The following MACROD2 variants were observed in gnomAD, a reference collection of about 807,000 sequenced individuals.
MACROD2 encodes ADP-ribose glycohydrolase MACROD2.
A neutral mutation model predicts 70.4 loss-of-function variants in MACROD2; 36 were observed. That is an observed-to-expected ratio of 0.51 (90% CI 0.39 to 0.68). MACROD2 has a LOEUF of 0.68. Ranked by LOEUF, MACROD2 falls within the 30% of genes least tolerant of loss-of-function variation. MACROD2 has a pLI of 0.00. For missense variants in MACROD2, 496 were observed against 538.4 expected, an observed-to-expected ratio of 0.92 and a Z score of 0.78; for synonymous variants, 172 against 178.8, an observed-to-expected ratio of 0.96 and a Z score of 0.30.
chr20:15,259,320 A>G (rs2077227754), intron 6 of MACROD2, among the ~76,000 whole-genome samples: 1 of 152,046 alleles, frequency 6.6e-6, no homozygotes. Context: ...GCCTTCTACA[A>G]ATGAGAAAAT....
At chr20:14,568,325 G>A (rs1979944179) in intron 4 of MACROD2, among the ~76,000 whole-genome samples, 1 of 151,994 alleles carries the variant, frequency 6.6e-6, no homozygotes, top group South Asian at 2.1e-4. Context: ...TATTGCCCGG[G>A]TCTTTACAAG....
chr20:15,513,776 GCAAAT>G (rs991963489), intron 8 of MACROD2, among the ~76,000 whole-genome samples: 5 of 152,170 alleles, frequency 3.3e-5, no homozygotes, highest in Admixed American at 2.0e-4. Context: ...GATTTCAAAA[GCAAAT>G]CAACTTGAGC....
chr20:15,816,106 A>G (rs938865135), intron 8 of MACROD2, among the ~76,000 whole-genome samples: 1 of 152,036 alleles, frequency 6.6e-6, no homozygotes, highest in Non-Finnish European at 1.5e-5. Context: ...TAATACATAT[A>G]CATCACATAT....
At chr20:14,435,570 C>T (rs1169629742) in intron 3 of MACROD2, among the ~76,000 whole-genome samples, 2 of 152,036 alleles carry the variant, frequency 1.3e-5, no homozygotes, top group Non-Finnish European at 2.9e-5. Flanking sequence ...ATTGAGTACC[C>T]CTTATGCGTC....
At chr20:15,343,992 A>T (rs75827358) in intron 6 of MACROD2, among the ~76,000 whole-genome samples, 1,769 of 152,294 alleles carry the variant, frequency 0.012, 33 homozygotes, top group African/African-American at 0.039. Context: ...TCATTTATCT[A>T]TGTATAGAAA....
rs80082985 is a variant in MACROD2, at chr20:14,716,725, G to A, written c.418+31766G>A. ...GAAGATGGCTTAACACGTGAAGTGG[G>A]TAAAAAAAATGTGTAATTGAAACAG... On this transcript the variant is annotated intron_variant, in intron 5 of 17. Transcript: ENST00000684519. 2.0e-3 allele frequency among the ~76,000 whole-genome samples: 307 copies of A among 152,206 alleles called. 9 individuals are homozygous for A. In the East Asian group the frequency reaches 0.045, roughly 22 times the overall value.
intron 8 of MACROD2, among the ~76,000 whole-genome samples, chr20:15,716,266 T>C (rs2050706123): frequency 6.6e-6 from 1 of 152,218 alleles, no homozygotes; most frequent in Non-Finnish European, 1.5e-5. Context: ...TTTTGCAAAC[T>C]GTTAGAGGAA....
At chr20:15,125,211 T>C (rs536660110) in intron 5 of MACROD2, among the ~76,000 whole-genome samples, 49 of 152,254 alleles carry the variant, frequency 3.2e-4, no homozygotes, top group African/African-American at 1.2e-3. Flanking sequence ...TATGAAAGAC[T>C]ATGATTTGGA....
In MACROD2 at chr20:15,471,707, T is replaced by C. The variant is rs532478033; in HGVS notation, c.572-28067T>C. The stretch of plus-strand genomic sequence containing the variant: ...TCTTTTCCACCACATTTTTTTTGTA[T>C]CTTCATCCATTTCCTTCTCCTTCTT... On this transcript the variant is annotated intron_variant, in intron 7 of 17. Coordinates refer to ENST00000684519, the MANE Select transcript of MACROD2 (RefSeq NM_001351661.2). 2.6e-5 allele frequency among the ~76,000 whole-genome samples: 4 copies of C among 152,286 alleles called. No individual in the cohort carries two copies. The East Asian group carries it at 7.7e-4, about 29-fold the overall frequency.
chr20:14,472,313 C>G (rs754532688), intron 3 of MACROD2, among the ~76,000 whole-genome samples: 1 of 152,028 alleles, frequency 6.6e-6, no homozygotes, highest in Admixed American at 6.6e-5. Flanking sequence ...TTCAAACATT[C>G]ATTTGTTCGT....
intron 5 of MACROD2, among the ~76,000 whole-genome samples, chr20:15,210,475 C>T (rs1458285586): frequency 6.6e-6 from 1 of 151,960 alleles, no homozygotes; most frequent in African/African-American, 2.4e-5. Flanking sequence ...GTTCAAGCAG[C>T]CATCCACCAT....
chr20:14,741,308 T>C (rs2123719503), intron 5 of MACROD2, among the ~76,000 whole-genome samples: 1 of 152,276 alleles, frequency 6.6e-6, no homozygotes, highest in East Asian at 1.9e-4. Flanking sequence ...TTCTAAAAAT[T>C]ATTTTTAGTT....
At position 15,878,631 on chromosome 20, in the gene MACROD2, T is replaced by A. The variant is rs557758317; in HGVS notation, c.728-7133T>A. 9.2e-5 allele frequency among the ~76,000 whole-genome samples: 14 copies of A among 152,230 alleles called. No homozygotes were observed. In the East Asian group the frequency reaches 2.3e-3, roughly 25 times the overall value. On this transcript the variant is annotated intron_variant, in intron 9 of 17. Coordinates refer to ENST00000684519, the MANE Select transcript of MACROD2 (RefSeq NM_001351661.2). ...TGGAGTAAGACAAATCTGAAGTCAT[T>A]CCAAAACCCATAGCATACTTCCTTT...
At chr20:15,649,567 C>G (rs1219505195) in intron 8 of MACROD2, among the ~76,000 whole-genome samples, 1 of 152,110 alleles carries the variant, frequency 6.6e-6, no homozygotes, top group African/African-American at 2.4e-5. Flanking sequence ...ATTGAAAGTC[C>G]TAAGCTTTGC....
chr20:15,201,514 C>A (rs544029557), intron 5 of MACROD2, among the ~76,000 whole-genome samples: 1 of 152,154 alleles, frequency 6.6e-6, no homozygotes, highest in South Asian at 2.1e-4. Flanking sequence ...TTAGCCAATA[C>A]GTGCAACTGT....
intron 6 of MACROD2, among the ~76,000 whole-genome samples, chr20:15,365,535 C>T (rs913871802): frequency 6.6e-6 from 1 of 151,936 alleles, no homozygotes; most frequent in Non-Finnish European, 1.5e-5. Context: ...GTGGCATGTG[C>T]CTGTAATCCC....
At chr20:14,000,537 A>G (rs926259874) in intron 1 of MACROD2, among the ~76,000 whole-genome samples, 12 of 152,190 alleles carry the variant, frequency 7.9e-5, no homozygotes, top group Non-Finnish European at 1.5e-4. Context: ...GTACCTTGTG[A>G]TACACTGAAA....
chr20:14,905,361 G>A (rs2073946526), intron 5 of MACROD2: 1 of 152,062 alleles, frequency 6.6e-6, no homozygotes, highest in African/African-American at 2.4e-5. Context: ...TGAAAAATAA[G>A]CAAAGGGATT....
chr20:15,746,353 G>A (rs1316416176), intron 8 of MACROD2, among the ~76,000 whole-genome samples: 1 of 151,652 alleles, frequency 6.6e-6, no homozygotes, highest in African/African-American at 2.4e-5. Context: ...AGTTTTGTAT[G>A]CATAGCCTTG....
Sources: allele counts gnomAD v4.1 joint callset (sites outside exome capture counted in the v4.1 genomes callset), GRCh38; gene constraint gnomAD v4.1.1; transcripts MANE v1.5; gene names NCBI Gene and HGNC (gene_info 2026-07-23, HGNC 2026-07-21).